The following FATE1 variants were observed in gnomAD, a reference collection of about 807,000 sequenced individuals.
FATE1 encodes fetal and adult testis expressed 1.
FATE1 carries 18 observed loss-of-function variants against 16.0 expected under a neutral mutation model. The ratio of observed to expected loss-of-function variants is 1.12; its 90% confidence interval spans 0.78 to 1.66. The LOEUF is 1.66. Among genes scored for constraint, FATE1 ranks in the 40% most tolerant of loss-of-function variants. FATE1 has a pLI of 0.00. For synonymous variants in FATE1, 76 were observed against 56.9 expected (o/e 1.34, Z -1.51); for missense variants, 169 against 152.7 (o/e 1.11, Z -0.56).
At chrX:151,716,291 A>C in intron 1 of FATE1, 66 bp downstream of exon 1, 1 of 933,733 alleles carries the variant, frequency 1.1e-6, no homozygotes, top group Non-Finnish European at 1.5e-6. Flanking sequence ...ATACCTGTGC[A>C]TGTGTGTGTT....
At chrX:151,721,291 C>T (rs1231178403) in intron 2 of FATE1, 104 bp from the exon 3 acceptor site, 41 of 685,596 alleles carry the variant, frequency 6.0e-5, no homozygotes, top group Non-Finnish European at 8.7e-5. Context: ...AGAGACCAGG[C>T]ACCATGTGAT....
At chrX:151,720,350 T>C (rs1349398099) in intron 2 of FATE1, among the ~76,000 whole-genome samples, 1 of 112,090 alleles carries the variant, frequency 8.9e-6, no homozygotes, top group Non-Finnish European at 1.9e-5. Flanking sequence ...TATTGAATTC[T>C]TTCATTAGCT....
chrX:151,721,654 G>A (rs2015116974), intron 3 of FATE1, among the ~76,000 whole-genome samples, 153 bp downstream of exon 3: 1 of 112,006 alleles, frequency 8.9e-6, no homozygotes, highest in African/African-American at 3.2e-5. Context: ...TGCCCATTTG[G>A]GGCATCCCAG....
intron 2 of FATE1, 68 bp from the exon 3 acceptor site, chrX:151,721,327 T>G: frequency 2.0e-6 from 2 of 998,468 alleles, no homozygotes; most frequent in Non-Finnish European, 1.4e-6. Context: ...CCATTGGCTC[T>G]GGGCAAACTG....
chrX:151,717,488 G>GC, intron 2 of FATE1, 89 bp downstream of exon 2: 1 of 991,321 alleles, frequency 1.0e-6, no homozygotes, highest in South Asian at 2.6e-5. Context: ...GTCAGGCAGG[G>GC]CTAGACGTTG....
At position 151,721,881 on chromosome X, in the gene FATE1, ATCTG is replaced by A. The variant is rs769403646; in HGVS notation, c.342-18_342-15del. The A allele has an allele frequency of 5.8e-6, 7 of 1,202,710 alleles. No individual in the cohort carries two copies. Among genetic ancestry groups the A allele is most frequent in the African/African-American group, 1.8e-5 (1 of 56,637 alleles). ...CCAGGGACCACCAGCAGCTTTGACC[ATCTG>A]TCTTTTTTCTCTCCCAGCAACCCAG... On this transcript the variant is annotated intron_variant, in intron 3 of 4. Transcript: ENST00000370350.
At position 151,716,049 on chromosome X, in the gene FATE1, G is replaced by C; in HGVS notation, c.-71G>C. On this transcript the variant is annotated 5_prime_UTR_variant, in exon 1 of 5. Transcript: ENST00000370350. ...CTGTTTCCGGAAGAGGTGATTTTCT[G>C]AGTGTGACTCCTCTGTTCCTGGCAC... The C allele has an allele frequency of 1.1e-6, 1 of 922,466 alleles. No individual in the cohort carries two copies. Among genetic ancestry groups the C allele is most frequent in the East Asian group, 3.4e-5 (1 of 29,164 alleles). 76.0% of individuals were successfully genotyped at this position (922,466 alleles called of 1,213,427 possible). A position where few individuals can be genotyped will look rare whatever the true frequency, so the allele number is the denominator to read the frequency against.
rs746267741 is a variant in FATE1, at chrX:151,722,765, C to T, written c.*6C>T. 1.7e-6 allele frequency: 2 copies of T among 1,200,216 alleles called. No individual in the cohort carries two copies. The highest frequency in any genetic ancestry group is 2.2e-6 in the Non-Finnish European group (2 of 889,713). On this transcript the variant is annotated 3_prime_UTR_variant, in exon 5 of 5. Coordinates refer to ENST00000370350, the MANE Select transcript of FATE1 (RefSeq NM_033085.3). ...GGCTGTGGATGAACCAGTGATCGCCCCAGCGCGGCCTCCGTATTGGAGCCC... is the reference window on the plus strand; with the variant it reads ...GGCTGTGGATGAACCAGTGATCGCCTCAGCGCGGCCTCCGTATTGGAGCCC...
At chrX:151,716,547 C>T (rs2015062528) in intron 1 of FATE1, among the ~76,000 whole-genome samples, 1 of 111,682 alleles carries the variant, frequency 9.0e-6, no homozygotes, top group Non-Finnish European at 1.9e-5. Flanking sequence ...TCAATTCTCT[C>T]TCCCAATCCT....
Position 151,722,778 on chromosome X carries a change from C to G in FATE1, c.*19C>G. 2 of 1,188,847 alleles carry G rather than the reference C, an allele frequency of 1.7e-6. No homozygotes were observed. Among genetic ancestry groups the G allele is most frequent in the Non-Finnish European group, 2.3e-6 (2 of 883,185 alleles). On this transcript the variant is annotated 3_prime_UTR_variant, in exon 5 of 5. Transcript: ENST00000370350. ...CCAGTGATCGCCCCAGCGCGGCCTC[C>G]GTATTGGAGCCCTCCCTGCTTCCCC...
chrX:151,718,098 G>A (rs1220001165), intron 2 of FATE1, among the ~76,000 whole-genome samples: 1 of 89,477 alleles, frequency 1.1e-5, no homozygotes, highest in Non-Finnish European at 2.2e-5. Flanking sequence ...AAGAAAGAAA[G>A]AAAGAGAGAG....
At chrX:151,718,469 A>T (rs988314649) in intron 2 of FATE1, among the ~76,000 whole-genome samples, 2 of 112,226 alleles carry the variant, frequency 1.8e-5, no homozygotes, top group African/African-American at 6.5e-5. Flanking sequence ...GTATCCAATC[A>T]TTTTAGCTAG....
chrX:151,721,785 G>A, intron 3 of FATE1, 118 bp from the exon 4 acceptor site: 1 of 645,049 alleles, frequency 1.6e-6, no homozygotes, highest in Non-Finnish European at 2.5e-6. Context: ...AGGACTGGAG[G>A]CTGATAGAGT....
In FATE1 at chrX:151,719,199, CTATT is replaced by C. The variant is rs1442405389; in HGVS notation, c.234+1809_234+1812del. Among the ~76,000 whole-genome samples, 790 of 111,702 alleles carry C rather than the reference CTATT, an allele frequency of 7.1e-3. 8 individuals are homozygous for C. Among genetic ancestry groups the C allele is most frequent in the African/African-American group, 0.024 (753 of 30,771 alleles). ...AATTAGGAAATCTAATTTACTAATT[CTATT>C]TATTTATTAATTCATTCATTCCTTT... On this transcript the variant is annotated intron_variant, in intron 2 of 4. Transcript: ENST00000370350.
At position 151,716,233 on chromosome X, in the gene FATE1, T is replaced by G. The variant is rs2015058382; in HGVS notation, c.106+8T>G. 3.5e-6 allele frequency: 4 copies of G among 1,152,795 alleles called. No individual in the cohort carries two copies. The highest frequency in any genetic ancestry group is 4.7e-6 in the Non-Finnish European group (4 of 859,810). On this transcript the variant is annotated splice_region_variant and intron_variant, in intron 1 of 4. Coordinates refer to ENST00000370350, the MANE Select transcript of FATE1 (RefSeq NM_033085.3). ...AGCACCTGGTGATAGCAGGTGAGGATCCCCTAAAATACCCCTAGGCTACAG... is the reference window on the plus strand; with the variant it reads ...AGCACCTGGTGATAGCAGGTGAGGAGCCCCTAAAATACCCCTAGGCTACAG...
chrX:151,722,708 C>G lies in FATE1; in HGVS notation c.501C>G (p.Ala167=). Residue 167 remains alanine, a synonymous_variant, in exon 5 of 5, where the codon GCC becomes GCG. Coordinates refer to ENST00000370350, the MANE Select transcript of FATE1 (RefSeq NM_033085.3). The stretch of plus-strand genomic sequence containing the variant: ...GCCACAGGGAGACCCTGATCATCGC[C>G]GTGCTGGTGTCGGCCAGCATTGCCA... ...TWRHRETLII[A]VLVSASIANL... The G allele has an allele frequency of 1.7e-6, 2 of 1,211,942 alleles. No homozygotes were observed. The highest frequency in any genetic ancestry group is 3.4e-5 in the African/African-American group (2 of 57,997).
chrX:151,722,467 C>A (rs1259799297), intron 4 of FATE1, among the ~76,000 whole-genome samples, 161 bp from the exon 5 acceptor site: 1 of 113,036 alleles, frequency 8.8e-6, no homozygotes, highest in East Asian at 2.8e-4. Flanking sequence ...GTCCCGCGGA[C>A]CTGGCCCAGC....
At chrX:151,719,707 C>A (rs2015098473) in intron 2 of FATE1, among the ~76,000 whole-genome samples, 1 of 112,362 alleles carries the variant, frequency 8.9e-6, no homozygotes, top group South Asian at 3.7e-4. Context: ...CTGTGTGCTC[C>A]TCTTGAGAAA....
rs753650130 is a variant in FATE1, at chrX:151,722,801, C to T, written c.*42C>T. ...TCCGTATTGGAGCCCTCCCTGCTTCCCCTTCTTTCTTTCCTCTTTCCCCAG... is the reference window on the plus strand; with the variant it reads ...TCCGTATTGGAGCCCTCCCTGCTTCTCCTTCTTTCTTTCCTCTTTCCCCAG... On this transcript the variant is annotated 3_prime_UTR_variant, in exon 5 of 5. Coordinates refer to ENST00000370350, the MANE Select transcript of FATE1 (RefSeq NM_033085.3). The T allele has an allele frequency of 8.5e-6, 10 of 1,174,701 alleles. No individual in the cohort carries two copies. The East Asian group carries it at 3.0e-4, about 35-fold the overall frequency.
Sources: allele counts gnomAD v4.1 joint callset (sites outside exome capture counted in the v4.1 genomes callset), GRCh38; gene constraint gnomAD v4.1.1; transcripts MANE v1.5; gene names NCBI Gene and HGNC (gene_info 2026-07-23, HGNC 2026-07-21).